MTA3: variants seen among roughly 807,000 people sequenced by gnomAD.
MTA3 encodes the protein metastasis associated 1 family member 3.
MTA3 carries 34 observed loss-of-function variants against 83.5 expected under a neutral mutation model. That is an observed-to-expected ratio of 0.41 (90% confidence interval 0.31 to 0.54). MTA3 has a LOEUF of 0.54. Ranked by LOEUF, MTA3 falls within the 20% of genes least tolerant of loss-of-function variation. The pLI, the probability that MTA3 is intolerant of heterozygous loss-of-function variation, is 0.33. For synonymous variants in MTA3, 303 were observed against 252.7 expected (o/e 1.20, Z -1.89); for missense variants, 761 against 726.4 (o/e 1.05, Z -0.55).
chr2:42,638,004 C>G (rs1026392206), intron 4 of MTA3, among the ~76,000 whole-genome samples: 1 of 151,976 alleles, frequency 6.6e-6, no homozygotes, highest in African/African-American at 2.4e-5. Flanking sequence ...TTACAGATTT[C>G]TTTTTTTCTT....
At chr2:42,568,805 G>C in intron 1 of MTA3, 32 bp downstream of exon 1, 9 of 1,215,182 alleles carry the variant, frequency 7.4e-6, no homozygotes, top group Non-Finnish European at 9.2e-6. Flanking sequence ...CGGCCCGTGT[G>C]GGAGCGGGTT....
intron 2 of MTA3, among the ~76,000 whole-genome samples, chr2:42,536,956 A>T (rs1037594250): frequency 6.6e-6 from 1 of 152,136 alleles, no homozygotes; most frequent in Non-Finnish European, 1.5e-5. Context: ...TAAGGAAAAA[A>T]GGTTTTCTAA....
chr2:42,596,329 G>A (rs890783016), intron 3 of MTA3, among the ~76,000 whole-genome samples: 1 of 152,174 alleles, frequency 6.6e-6, no homozygotes, highest in African/African-American at 2.4e-5. Context: ...CTAGCCAGCT[G>A]TTACCCCTTG....
chr2:42,584,067 T>G (rs1378117629), intron 3 of MTA3, among the ~76,000 whole-genome samples: 1 of 151,676 alleles, frequency 6.6e-6, no homozygotes, highest in Non-Finnish European at 1.5e-5. Context: ...GGTCTCGAAC[T>G]CCCTACCTCA....
chr2:42,541,693 T>A (rs1676521761), intron 2 of MTA3, among the ~76,000 whole-genome samples: 1 of 152,222 alleles, frequency 6.6e-6, no homozygotes, highest in Admixed American at 6.5e-5. Context: ...TGTAGAGTCC[T>A]GTGCCATTCA....
intron 8 of MTA3, among the ~76,000 whole-genome samples, chr2:42,675,369 C>T (rs928737975): frequency 3.3e-5 from 5 of 152,100 alleles, no homozygotes; most frequent in Non-Finnish European, 7.4e-5. Context: ...CTCCTGACCT[C>T]GTGGTCCGCC....
intron 3 of MTA3, among the ~76,000 whole-genome samples, chr2:42,587,386 A>AT (rs1680466544): frequency 6.6e-6 from 1 of 151,966 alleles, no homozygotes; most frequent in Non-Finnish European, 1.5e-5. Flanking sequence ...AAAACTCCCT[A>AT]TATCAGGACC....
intron 5 of MTA3, among the ~76,000 whole-genome samples, chr2:42,643,511 C>G (rs1687891045): frequency 6.6e-6 from 1 of 152,060 alleles, no homozygotes; most frequent in Non-Finnish European, 1.5e-5. Flanking sequence ...ATGTATATAG[C>G]TATGTTTGTA....
chr2:42,740,292 C>T (rs979031200), intron 16 of MTA3, among the ~76,000 whole-genome samples: 1 of 152,226 alleles, frequency 6.6e-6, no homozygotes, highest in African/African-American at 2.4e-5. Context: ...AGGTGGATTG[C>T]TTGAGTCCAG....
At chr2:42,717,038 T>A (rs1174373621) in intron 14 of MTA3, among the ~76,000 whole-genome samples, 1 of 151,900 alleles carries the variant, frequency 6.6e-6, no homozygotes, top group African/African-American at 2.4e-5. Flanking sequence ...TAGTGTGAAA[T>A]AGTATCTCAT....
chr2:42,520,951 C>T (rs1425720447), intron 2 of MTA3, among the ~76,000 whole-genome samples: 4 of 152,128 alleles, frequency 2.6e-5, no homozygotes, highest in Non-Finnish European at 4.4e-5. Flanking sequence ...ATATCTCTTT[C>T]CTCTCTCCCG....
rs559980352 is a variant in MTA3, at chr2:42,546,294, T to C, written c.-140-24143T>C. ...AAACAAAGGCCCCAGGAGAAATTAG[T>C]GGAGGGTGTGGCCTGGCCCCACACT... On this transcript the variant is annotated intron_variant, in intron 2 of 17. Transcript: ENST00000405592. Among the ~76,000 whole-genome samples, 3 of 152,160 alleles carry C rather than the reference T, an allele frequency of 2.0e-5. No homozygotes were observed. In the South Asian group the frequency reaches 6.3e-4, roughly 32 times the overall value.
chr2:42,535,521 C>G (rs531440223), intron 2 of MTA3, among the ~76,000 whole-genome samples: 6 of 152,238 alleles, frequency 3.9e-5, no homozygotes, highest in East Asian at 1.9e-4. Context: ...GCCACTGCAC[C>G]CAACTCCCTT....
At chr2:42,642,326 T>C (rs1395915896) in intron 5 of MTA3, among the ~76,000 whole-genome samples, 1 of 152,102 alleles carries the variant, frequency 6.6e-6, no homozygotes, top group Non-Finnish European at 1.5e-5. Context: ...TAATAGGTTT[T>C]ACAGATAAAA....
At chr2:42,644,464 A>T (rs964944400) in intron 6 of MTA3, among the ~76,000 whole-genome samples, 1 of 152,210 alleles carries the variant, frequency 6.6e-6, no homozygotes, top group Non-Finnish European at 1.5e-5. Context: ...GGCCTCAAAC[A>T]ATCCTCCCAC....
At chr2:42,624,174 T>G (rs1455004558) in intron 4 of MTA3, among the ~76,000 whole-genome samples, 1 of 152,150 alleles carries the variant, frequency 6.6e-6, no homozygotes, top group East Asian at 1.9e-4. Flanking sequence ...AATTCAGACT[T>G]TTCTTTGTTT....
chr2:42,711,892 G>T (rs1213429309), intron 14 of MTA3, among the ~76,000 whole-genome samples: 2 of 151,920 alleles, frequency 1.3e-5, no homozygotes, highest in Non-Finnish European at 2.9e-5. Flanking sequence ...AAGAATCGCT[G>T]TGATGCAATG....
In MTA3 at chr2:42,640,175, G is replaced by C; in HGVS notation, c.320G>C (p.Gly107Ala). 6.2e-7 allele frequency: 1 copy of C among 1,603,070 alleles called. No homozygotes were observed. Among genetic ancestry groups the C allele is most frequent in the Non-Finnish European group, 8.5e-7 (1 of 1,175,656 alleles). The change falls in exon 5 of 17, where the codon GGA becomes GCA. Residue 107 changes from glycine (G) to alanine (A), a missense_variant and splice_region_variant. Gly to Ala is a moderately conservative substitution (Grantham distance 60). Transcript: ENST00000405094. ...YESLPATHIR[G>A]KCSVALLNET... ...ATTCTTTTTTTCTTTTTCAACAGGG[G>C]AAAGTGCAGTGTTGCCCTTCTGAAT...
intron 3 of MTA3, among the ~76,000 whole-genome samples, chr2:42,605,178 C>T (rs1371017138): frequency 1.4e-5 from 2 of 146,564 alleles, no homozygotes; most frequent in Admixed American, 6.7e-5. Context: ...AGGCGCCCCT[C>T]ACCTCCCGGA....
Sources: gnomAD v4.1 joint callset for allele counts (sites outside exome capture counted in the v4.1 genomes callset) on GRCh38, gnomAD v4.1.1 for gene constraint, MANE v1.5 for transcripts, NCBI Gene and HGNC (gene_info 2026-07-23, HGNC 2026-07-21) for gene names.